The following PDE10A variants were observed in gnomAD, a reference collection of about 807,000 sequenced individuals.
PDE10A encodes the protein cAMP and cAMP-inhibited cGMP 3',5'-cyclic phosphodiesterase 10A.
A neutral mutation model predicts 97.7 loss-of-function variants in PDE10A; 39 were observed. The observed-to-expected ratio is 0.40, with a 90% CI of 0.31 to 0.52. The LOEUF is 0.52. PDE10A is among the 20% of genes least tolerant of loss of function. The pLI, the probability that PDE10A is intolerant of heterozygous loss-of-function variation, is 0.56. For missense variants in PDE10A, 731 were observed against 1,047.8 expected, an observed-to-expected ratio of 0.70 and a Z score of 4.17; for synonymous variants, 371 against 376.8, an observed-to-expected ratio of 0.98 and a Z score of 0.18.
chr6:165,648,916 C>T (rs567028987), intron 1 of PDE10A, among the ~76,000 whole-genome samples: 5 of 152,296 alleles, frequency 3.3e-5, no homozygotes, highest in South Asian at 2.1e-4. Flanking sequence ...GTGAAAGGAC[C>T]GTGCAGCCAC....
At chr6:165,539,798 G>C (rs768064956) in intron 2 of PDE10A, among the ~76,000 whole-genome samples, 2 of 151,938 alleles carry the variant, frequency 1.3e-5, no homozygotes, top group East Asian at 1.9e-4. Context: ...GTGGTGGTGC[G>C]CACCTGTAAT....
At chr6:165,400,719 C>A (rs1027529711) in intron 13 of PDE10A, among the ~76,000 whole-genome samples, 2 of 152,074 alleles carry the variant, frequency 1.3e-5, no homozygotes, top group South Asian at 2.1e-4. Context: ...TTTACCCAAG[C>A]GAGATGAAAG....
chr6:165,406,303 A>AT, intron 13 of PDE10A, among the ~76,000 whole-genome samples: 1 of 149,166 alleles, frequency 6.7e-6, no homozygotes, highest in Non-Finnish European at 1.5e-5. Context: ...AGATAGTTGA[A>AT]TTTTAGGAGA....
intron 1 of PDE10A, among the ~76,000 whole-genome samples, chr6:165,704,874 C>T (rs1246541909): frequency 6.6e-6 from 1 of 152,192 alleles, no homozygotes; most frequent in Non-Finnish European, 1.5e-5. Flanking sequence ...CTGACTCCAT[C>T]GACAGTCCAT....
chr6:165,621,612 C>G (rs1467698048), intron 1 of PDE10A, among the ~76,000 whole-genome samples: 1 of 152,046 alleles, frequency 6.6e-6, no homozygotes, highest in African/African-American at 2.4e-5. Flanking sequence ...AAAAATTAGC[C>G]AGGCATGGTG....
chr6:165,640,480 G>C (rs1583696247), intron 1 of PDE10A, among the ~76,000 whole-genome samples: 1 of 152,132 alleles, frequency 6.6e-6, no homozygotes, highest in African/African-American at 2.4e-5. Flanking sequence ...TCCAAAATGG[G>C]AAAGAAAACA....
intron 1 of PDE10A, among the ~76,000 whole-genome samples, chr6:165,951,150 GA>G (rs1158637241): frequency 6.6e-6 from 1 of 152,176 alleles, no homozygotes; most frequent in Non-Finnish European, 1.5e-5. Context: ...GGAGGGATCT[GA>G]AAAACTACCT....
In PDE10A at chr6:165,388,322, G is replaced by A. The variant is rs1417938494; in HGVS notation, c.2586C>T (p.Phe862=). Residue 862 remains phenylalanine, a synonymous_variant, in exon 17 of 22, where the codon TTC becomes TTT. Coordinates refer to ENST00000539869, the MANE Select transcript of PDE10A (RefSeq NM_001385079.1). This position sits in a 1 kb window ranked among gnomAD's most constrained non-coding sequence, Gnocchi z 4.0. ...YSTSTMEQHH[F]SQTVSILQLE... is the part of the protein sequence containing the mutation. Reference sequence around the variant, plus strand: ...CCTGGAGGATGGACACAGTCTGGGAGAAGTGGTGCTGCTCCATGGTGGAAG... The same window carrying A: ...CCTGGAGGATGGACACAGTCTGGGAAAAGTGGTGCTGCTCCATGGTGGAAG... The A allele has an allele frequency of 6.2e-7, 1 of 1,614,108 alleles. No homozygotes were observed. The highest frequency in any genetic ancestry group is 8.5e-7 in the Non-Finnish European group (1 of 1,179,990).
chr6:165,435,518 T>C lies in PDE10A; in HGVS notation c.1195-141A>G, dbSNP rs760713700. The C allele has an allele frequency of 1.7e-4, 107 of 623,230 alleles. No homozygotes were observed. In the Middle Eastern group the frequency reaches 4.6e-3, roughly 27 times the overall value. The allele number at this position is 623,230 out of a possible 1,614,324, so 38.6% of individuals were successfully genotyped here. A position where few individuals can be genotyped will look rare whatever the true frequency, so the allele number is the denominator to read the frequency against. On this transcript the variant is annotated intron_variant, in intron 5 of 21. Coordinates refer to ENST00000539869, the MANE Select transcript of PDE10A (RefSeq NM_001385079.1). ...TAAAATGAGGAAAGGTGCTTTGCCA[T>C]GATCAAACCAGATTACCTAAAGTGA... is the stretch of plus-strand genomic sequence containing the variant.
At chr6:165,752,701 T>G (rs993290293) in intron 1 of PDE10A, among the ~76,000 whole-genome samples, 1 of 152,184 alleles carries the variant, frequency 6.6e-6, no homozygotes, top group Non-Finnish European at 1.5e-5. Flanking sequence ...TCTCTGTTCA[T>G]GAAACACCAT....
At chr6:165,530,267 A>ATG in intron 2 of PDE10A, among the ~76,000 whole-genome samples, 1 of 56,872 alleles carries the variant, frequency 1.8e-5, no homozygotes, top group East Asian at 4.9e-4. Context: ...TCCTCTTTAT[A>ATG]TATGTGTGTG....
At chr6:165,681,278 C>T (rs556790967) in intron 1 of PDE10A, among the ~76,000 whole-genome samples, 88 of 152,296 alleles carry the variant, frequency 5.8e-4, no homozygotes, top group African/African-American at 2.1e-3. Context: ...ATTTAAGAAG[C>T]CTGTTTCCTA....
intron 1 of PDE10A, among the ~76,000 whole-genome samples, chr6:165,659,674 G>A (rs1790138050): frequency 1.3e-5 from 2 of 152,242 alleles, no homozygotes; most frequent in Non-Finnish European, 2.9e-5. Flanking sequence ...TCAGGGCAAG[G>A]TGTGGGGCGA....
At chr6:165,551,338 C>T (rs777372575) in intron 1 of PDE10A, among the ~76,000 whole-genome samples, 4 of 152,200 alleles carry the variant, frequency 2.6e-5, no homozygotes, top group Non-Finnish European at 4.4e-5. Flanking sequence ...TCACCTCCTT[C>T]CCCACCAAAA....
chr6:165,401,745 C>A (rs903608998), intron 13 of PDE10A, among the ~76,000 whole-genome samples: 1 of 152,126 alleles, frequency 6.6e-6, no homozygotes, highest in Admixed American at 6.6e-5. Flanking sequence ...GAGACTGCTT[C>A]CTGGACAAGA....
chr6:165,482,197 G>A (rs921237004), intron 3 of PDE10A, 118 bp downstream of exon 3: 3 of 781,164 alleles, frequency 3.8e-6, no homozygotes, highest in African/African-American at 3.4e-5. Context: ...CTTTGGAGAG[G>A]AAACTCAGTT....
At chr6:165,712,338 G>GC (rs757779825) in intron 1 of PDE10A, among the ~76,000 whole-genome samples, 11 of 152,166 alleles carry the variant, frequency 7.2e-5, no homozygotes, top group Non-Finnish European at 1.2e-4. Context: ...CACGTGATGT[G>GC]CGGCTTGCTG....
intron 1 of PDE10A, among the ~76,000 whole-genome samples, chr6:165,865,220 C>T (rs891475461): frequency 6.6e-6 from 1 of 152,226 alleles, no homozygotes; most frequent in Non-Finnish European, 1.5e-5. Flanking sequence ...CACAAGGAGA[C>T]TACTCTACTG....
intron 1 of PDE10A, among the ~76,000 whole-genome samples, chr6:165,731,160 G>A (rs575307329): frequency 1.2e-4 from 19 of 152,330 alleles, no homozygotes; most frequent in Non-Finnish European, 2.5e-4. Flanking sequence ...CTGCGGCCTC[G>A]TGGCCCCCGG....
Sources: gnomAD v4.1 joint callset for allele counts (sites outside exome capture counted in the v4.1 genomes callset) on GRCh38, gnomAD v4.1.1 for gene constraint, Gnocchi (gnomAD v3.1) non-coding constraint, MANE v1.5 for transcripts, NCBI Gene and HGNC (gene_info 2026-07-23, HGNC 2026-07-21) for gene names.